The following HIVEP3 variants were observed in gnomAD, a reference collection of about 807,000 sequenced individuals.
HIVEP3 encodes the protein transcription factor HIVEP3.
HIVEP3 carries 49 observed loss-of-function variants against 152.8 expected under a neutral mutation model. That is an observed-to-expected ratio of 0.32 (90% CI 0.26 to 0.41). The LOEUF is 0.41. HIVEP3 is among the 10% of genes least tolerant of loss of function. The probability of loss-of-function intolerance (pLI) is 1.00; values close to 1 mark genes in which losing one functional copy is unlikely to be tolerated. For synonymous variants in HIVEP3, 1,269 were observed against 1,289.0 expected (o/e 0.98, Z 0.33); for missense variants, 2,790 against 3,103.3 (o/e 0.90, Z 2.40).
Position 41,835,881 on chromosome 1 carries a change from T to TA in HIVEP3, c.-801+82531dup, listed in dbSNP as rs1442439873. Among the ~76,000 whole-genome samples, 4 of 152,316 alleles carry TA rather than the reference T, an allele frequency of 2.6e-5. No homozygotes were observed. The East Asian group carries it at 7.7e-4, about 29-fold the overall frequency. On this transcript the variant is annotated intron_variant, in intron 1 of 8. Transcript: ENST00000372583. The stretch of plus-strand genomic sequence containing the variant: ...AAAGTTAATTTCAAGTCACTATAGA[T>TA]AGAGTATTATGCAAATAAAAGATTA...
At chr1:41,537,762 T>C (rs1643434812) in intron 5 of HIVEP3, among the ~76,000 whole-genome samples, 1 of 152,152 alleles carries the variant, frequency 6.6e-6, no homozygotes, top group Admixed American at 6.5e-5. Context: ...TTTGTTGGGG[T>C]TCTGCAGAAA....
intron 2 of HIVEP3, among the ~76,000 whole-genome samples, chr1:41,643,890 C>CTTTTTTTTTTT (rs58838768): frequency 3.1e-4 from 22 of 71,966 alleles, no homozygotes; most frequent in African/African-American, 6.7e-4. Context: ...TTCCCATCCT[C>CTTTTTTTTTTT]TTTTTTTTTT....
At chr1:41,589,722 T>C (rs970700188) in intron 3 of HIVEP3, among the ~76,000 whole-genome samples, 2 of 152,082 alleles carry the variant, frequency 1.3e-5, no homozygotes, top group African/African-American at 4.8e-5. Context: ...TGGGGCAAGA[T>C]AGGGGCAGGG....
chr1:41,529,168 C>T (rs1331343020), intron 5 of HIVEP3, among the ~76,000 whole-genome samples: 1 of 137,532 alleles, frequency 7.3e-6, no homozygotes, highest in Non-Finnish European at 1.6e-5. Context: ...CTCACACATG[C>T]TCACACCCCA....
chr1:41,525,860 C>T (rs767953122), intron 5 of HIVEP3, among the ~76,000 whole-genome samples: 12 of 152,050 alleles, frequency 7.9e-5, no homozygotes, highest in Non-Finnish European at 1.2e-4. Context: ...GCAGGGGGCG[C>T]GCCAGGAGAG....
chr1:41,774,775 T>TATTTATTC (rs1330948828), intron 1 of HIVEP3, among the ~76,000 whole-genome samples: 1 of 144,016 alleles, frequency 6.9e-6, no homozygotes, highest in African/African-American at 2.8e-5. Flanking sequence ...TCTTTTATTT[T>TATTTATTC]ATTTATTTAT....
At chr1:42,035,451 G>A (rs1645636120) in intron 1 of HIVEP3, among the ~76,000 whole-genome samples, 1 of 152,244 alleles carries the variant, frequency 6.6e-6, no homozygotes, top group Admixed American at 6.5e-5. Context: ...CCCGGCCCCC[G>A]CTGTCGCGCC....
intron 3 of HIVEP3, among the ~76,000 whole-genome samples, chr1:41,609,655 G>A (rs1394467023): frequency 1.3e-5 from 2 of 152,204 alleles, no homozygotes; most frequent in East Asian, 3.9e-4. Flanking sequence ...AGGCCCCACG[G>A]CATGGCTCTG....
At chr1:41,594,887 C>A (rs1251816135) in intron 3 of HIVEP3, among the ~76,000 whole-genome samples, 1 of 152,136 alleles carries the variant, frequency 6.6e-6, no homozygotes, top group Non-Finnish European at 1.5e-5. Context: ...CACCTTGGCT[C>A]CATCTGGCAC....
intron 1 of HIVEP3, among the ~76,000 whole-genome samples, chr1:41,768,442 T>G (rs914079282): frequency 8.5e-5 from 13 of 152,212 alleles, no homozygotes; most frequent in Non-Finnish European, 1.6e-4. Flanking sequence ...AAGATGATAT[T>G]TGGGTGGGGA....
chr1:41,860,281 T>C (rs1027704906), intron 1 of HIVEP3, among the ~76,000 whole-genome samples: 3 of 152,178 alleles, frequency 2.0e-5, no homozygotes, highest in African/African-American at 4.8e-5. Context: ...CTTGACAAGA[T>C]GGAAAACCTT....
intron 2 of HIVEP3, among the ~76,000 whole-genome samples, chr1:41,670,028 G>T (rs1178071035): frequency 6.6e-6 from 1 of 152,158 alleles, no homozygotes; most frequent in Non-Finnish European, 1.5e-5. Context: ...CTCATAGCTA[G>T]CAGAGGCCTC....
At chr1:41,886,681 C>T (rs1316240627) in intron 1 of HIVEP3, among the ~76,000 whole-genome samples, 1 of 124,684 alleles carries the variant, frequency 8.0e-6, no homozygotes, top group Non-Finnish European at 1.6e-5. Context: ...CATTGCACTC[C>T]AGCCTGGGCA....
chr1:41,608,037 T>C (rs945611132), intron 3 of HIVEP3, among the ~76,000 whole-genome samples: 4 of 152,246 alleles, frequency 2.6e-5, no homozygotes, highest in African/African-American at 4.8e-5. Context: ...GTGTAGTGTT[T>C]AGCTGAGTGG....
At chr1:41,545,120 CATCATCACCACT>C (rs1643713475) in intron 5 of HIVEP3, among the ~76,000 whole-genome samples, 2 of 138,608 alleles carry the variant, frequency 1.4e-5, no homozygotes, top group African/African-American at 5.6e-5. Context: ...CCACCACTAC[CATCATCACCACT>C]ACCACCATCA....
chr1:42,002,401 A>G (rs1645433470), intron 1 of HIVEP3, among the ~76,000 whole-genome samples: 1 of 152,012 alleles, frequency 6.6e-6, no homozygotes, highest in Non-Finnish European at 1.5e-5. Flanking sequence ...TGCAAACAAC[A>G]CCACTCAGGG....
chr1:41,954,843 C>A (rs373030853), intron 1 of HIVEP3, among the ~76,000 whole-genome samples: 16 of 152,224 alleles, frequency 1.1e-4, no homozygotes, highest in African/African-American at 3.9e-4. Context: ...TATCTCTCAG[C>A]GTTGTGGTCA....
At chr1:41,998,676 C>A (rs1645408830) in intron 1 of HIVEP3, among the ~76,000 whole-genome samples, 1 of 151,912 alleles carries the variant, frequency 6.6e-6, no homozygotes, top group African/African-American at 2.4e-5. Context: ...CATAAAAACC[C>A]TTATTTGAGG....
At chr1:41,804,613 G>T (rs1466905391) in intron 1 of HIVEP3, among the ~76,000 whole-genome samples, 2 of 152,226 alleles carry the variant, frequency 1.3e-5, no homozygotes, top group African/African-American at 4.8e-5. Flanking sequence ...AAGGGATTTA[G>T]ATTTCCTTAG....
Sources: allele counts gnomAD v4.1 joint callset (sites outside exome capture counted in the v4.1 genomes callset), GRCh38; gene constraint gnomAD v4.1.1; transcripts MANE v1.5; gene names NCBI Gene and HGNC (gene_info 2026-07-23, HGNC 2026-07-21).